The following CES5A variants were observed in gnomAD, a reference collection of about 807,000 sequenced individuals.
The protein encoded by CES5A is carboxylesterase 5A.
Under a neutral mutation model 62.9 loss-of-function variants are expected in CES5A, and 67 were observed. The observed-to-expected ratio is 1.07, with a 90% CI of 0.88 to 1.31. The LOEUF (loss-of-function observed/expected upper bound fraction) is 1.31. CES5A is among the 50% of genes most tolerant of loss of function. The pLI is 0.00. For synonymous variants in CES5A, 296 were observed against 280.8 expected, an observed-to-expected ratio of 1.05 and a Z score of -0.54; for missense variants, 748 against 708.5, an observed-to-expected ratio of 1.06 and a Z score of -0.63.
chr16:55,873,871 G>T lies in CES5A; in HGVS notation c.240C>A (p.Pro80=). The T allele has an allele frequency of 6.2e-7, 1 of 1,613,640 alleles. No individual in the cohort carries two copies. Among genetic ancestry groups the T allele is most frequent in the Non-Finnish European group, 8.5e-7 (1 of 1,179,936 alleles). ...AGGTGGCTTCTCGCAAGTTATCCCAGGGCGATGCAGGCTGCGGGTTCGTAA... is the reference window on the plus strand; with the variant it reads ...AGGTGGCTTCTCGCAAGTTATCCCATGGCGATGCAGGCTGCGGGTTCGTAA... ...LRFTNPQPAS[P]WDNLREATSY... The change falls in exon 2 of 13, where the codon CCC becomes CCA. Residue 80 remains proline (P), a synonymous_variant. Transcript: ENST00000290567.
intron 10 of CES5A, among the ~76,000 whole-genome samples, chr16:55,850,099 C>A (rs960161551): frequency 6.6e-6 from 1 of 152,220 alleles, no homozygotes; most frequent in African/African-American, 2.4e-5. Context: ...CTTTTCATTA[C>A]TGAACTGTAA....
upstream of CES5A, among the ~76,000 whole-genome samples, chr16:55,928,244 A>T (rs1423209083): frequency 6.8e-6 from 1 of 146,288 alleles, no homozygotes; most frequent in Non-Finnish European, 1.5e-5. Flanking sequence ...CTCTGTCTCA[A>T]AAAAAAAAAA....
chr16:55,886,295 C>A (rs1245665079), intron 1 of CES5A, among the ~76,000 whole-genome samples: 4 of 152,142 alleles, frequency 2.6e-5, no homozygotes, highest in African/African-American at 9.7e-5. Flanking sequence ...AATGGCTTGG[C>A]CAATTACTCA....
intron 1 of CES5A, among the ~76,000 whole-genome samples, chr16:55,890,715 T>A (rs1163761868): frequency 4.6e-5 from 7 of 152,110 alleles, no homozygotes; most frequent in African/African-American, 1.7e-4. Flanking sequence ...CTAAGCTCTG[T>A]TTTTTTCTTA....
chr16:55,858,427 G>A (rs2033286675), intron 8 of CES5A, among the ~76,000 whole-genome samples: 1 of 152,184 alleles, frequency 6.6e-6, no homozygotes, highest in Admixed American at 6.5e-5. Flanking sequence ...TTACAGTGGT[G>A]ATTGTCATCA....
At chr16:55,949,368 G>C (rs1256265309) in intron 2 of CES5A, among the ~76,000 whole-genome samples, 2 of 152,196 alleles carry the variant, frequency 1.3e-5, no homozygotes, top group South Asian at 4.1e-4. Context: ...TGGCCGCCAG[G>C]GGCAAAACCA....
intron 1 of CES5A, among the ~76,000 whole-genome samples, chr16:55,919,227 T>A (rs1347257140): frequency 6.6e-6 from 1 of 152,262 alleles, no homozygotes; most frequent in Non-Finnish European, 1.5e-5. Flanking sequence ...ACCAGCTTTT[T>A]GTGTCAGGCC....
At chr16:55,940,589 A>G (rs575870861) in intron 2 of CES5A, among the ~76,000 whole-genome samples, 12 of 152,098 alleles carry the variant, frequency 7.9e-5, no homozygotes, top group African/African-American at 2.6e-4. Context: ...TAGAAATTCT[A>G]CAAAATATTT....
At chr16:55,847,506 G>A (rs1478634501) in intron 11 of CES5A, among the ~76,000 whole-genome samples, 4 of 152,078 alleles carry the variant, frequency 2.6e-5, no homozygotes. Context: ...CAATGAAAAT[G>A]TTTCCCTTTC....
At chr16:55,910,872 C>A (rs1293591068) in intron 1 of CES5A, among the ~76,000 whole-genome samples, 1 of 149,366 alleles carries the variant, frequency 6.7e-6, no homozygotes, top group Non-Finnish European at 1.5e-5. Context: ...ACTCTGCTCA[C>A]AGCATGTGGA....
At chr16:55,872,907 G>A (rs74656914) in intron 2 of CES5A, among the ~76,000 whole-genome samples, 31 of 152,228 alleles carry the variant, frequency 2.0e-4, no homozygotes, top group South Asian at 6.2e-4. Context: ...CAACCCCTGC[G>A]GCGTCCCCAA....
chr16:55,852,946 A>G lies in CES5A; in HGVS notation c.1208T>C (p.Leu403Pro). 1 of 1,614,196 alleles carries G rather than the reference A, an allele frequency of 6.2e-7. No homozygotes were observed. Among genetic ancestry groups the G allele is most frequent in the Admixed American group, 1.7e-5 (1 of 60,026 alleles). Residue 403 changes from leucine (L) to proline (P), a missense_variant, in exon 10 of 13, where the codon CTT (leucine) becomes CCT (proline). By Grantham distance (98) the Leu-to-Pro change is moderately conservative (BLOSUM62 -3). Transcript: ENST00000290567. ...KHSLTEIRDSLLDLLGDVFFV... is the reference protein window; with the variant it reads ...KHSLTEIRDSPLDLLGDVFFV... Reference sequence around the variant, plus strand: ...GAACACATCTCCAAGCAAGTCCAGAAGACTGTCTCGGATTTCAGTCAGGGA... The same window carrying G: ...GAACACATCTCCAAGCAAGTCCAGAGGACTGTCTCGGATTTCAGTCAGGGA...
At chr16:55,908,541 G>T (rs1339971037) in intron 1 of CES5A, among the ~76,000 whole-genome samples, 1 of 151,964 alleles carries the variant, frequency 6.6e-6, no homozygotes, top group East Asian at 1.9e-4. Context: ...TGTATTTTTC[G>T]TAGAGACAGG....
Position 55,846,570 on chromosome 16 carries a change from C to G in CES5A, c.1609G>C (p.Asp537His), listed in dbSNP as rs1185530008. The G allele has an allele frequency of 3.1e-6, 5 of 1,614,158 alleles. No individual in the cohort carries two copies. The highest frequency in any genetic ancestry group is 1.7e-5 in the Admixed American group (1 of 60,010). Residue 537 changes from aspartate (D) to histidine (H), a missense_variant, in exon 13 of 13, where the codon GAT (aspartate) becomes CAT (histidine). Asp to His is a moderately conservative substitution (Grantham distance 81). Transcript: ENST00000290567. ...LGQRLKEPRV[D>H]FWTSTIPLIL... is the part of the protein sequence containing the mutation. ...AGGGGGATGGTGCTGGTCCAAAAAT[C>G]CACCCGCGGTTCTTTGAGTCTCTGT...
intron 2 of CES5A, among the ~76,000 whole-genome samples, chr16:55,938,781 T>TAC (rs1302693966): frequency 1.1e-5 from 1 of 93,160 alleles, no homozygotes; most frequent in Non-Finnish European, 1.9e-5. Flanking sequence ...TATATATATA[T>TAC]ATATATATAT....
At chr16:55,912,198 ATCT>A (rs1390214058) in intron 1 of CES5A, among the ~76,000 whole-genome samples, 1 of 152,206 alleles carries the variant, frequency 6.6e-6, no homozygotes, top group African/African-American at 2.4e-5. Context: ...CCATGAAGTC[ATCT>A]TCTCGCTGTC....
chr16:55,857,251 A>G (rs2033261184), intron 8 of CES5A, among the ~76,000 whole-genome samples: 1 of 152,204 alleles, frequency 6.6e-6, no homozygotes, highest in South Asian at 2.1e-4. Flanking sequence ...GTTTGCAACA[A>G]GTACCTCCCG....
intron 1 of CES5A, among the ~76,000 whole-genome samples, chr16:55,883,061 G>A (rs1270380481): frequency 6.6e-6 from 1 of 152,170 alleles, no homozygotes; most frequent in South Asian, 2.1e-4. Context: ...TACAGCTGCA[G>A]CATACGTTAT....
intron 2 of CES5A, among the ~76,000 whole-genome samples, chr16:55,947,633 G>A (rs922299687): frequency 1.3e-5 from 2 of 152,112 alleles, no homozygotes; most frequent in Non-Finnish European, 2.9e-5. Context: ...AGTTGGGGTT[G>A]TAGGGAGAGG....
Sources: gnomAD v4.1 joint callset for allele counts (sites outside exome capture counted in the v4.1 genomes callset) on GRCh38, gnomAD v4.1.1 for gene constraint, MANE v1.5 for transcripts, NCBI Gene and HGNC (gene_info 2026-07-23, HGNC 2026-07-21) for gene names.